The following TRAF3 variants were observed in gnomAD, a reference collection of about 807,000 sequenced individuals.
TRAF3 encodes TNF receptor-associated factor 3.
In TRAF3, 13 loss-of-function variants were observed where a neutral mutation model predicts 62.3. The ratio of observed to expected loss-of-function variants is 0.21; its 90% CI spans 0.14 to 0.33. The LOEUF (loss-of-function observed/expected upper bound fraction) is 0.33, where lower values mean the gene tolerates loss of function less well. Ranked by LOEUF, TRAF3 falls within the 10% of genes least tolerant of loss-of-function variation. The pLI is 1.00. For synonymous variants in TRAF3, 269 were observed against 283.4 expected, an observed-to-expected ratio of 0.95 and a Z score of 0.51; for missense variants, 440 against 741.8, an observed-to-expected ratio of 0.59 and a Z score of 4.73.
At chr14:102,844,972 A>C (rs1886606551) in intron 2 of TRAF3, among the ~76,000 whole-genome samples, 1 of 151,904 alleles carries the variant, frequency 6.6e-6, no homozygotes, top group African/African-American at 2.4e-5. Flanking sequence ...ATTTTGGCTC[A>C]CTGCAAGCCC....
intron 6 of TRAF3, among the ~76,000 whole-genome samples, chr14:102,882,573 T>TG (rs1189300406): frequency 6.9e-6 from 1 of 145,730 alleles, no homozygotes; most frequent in Non-Finnish European, 1.5e-5. Flanking sequence ...TTTTGTTTTT[T>TG]TTTTTTTTCA....
intron 2 of TRAF3, among the ~76,000 whole-genome samples, chr14:102,856,542 T>C (rs117488712): frequency 0.017 from 2,613 of 152,296 alleles, 28 homozygotes; most frequent in Middle Eastern, 0.031. Context: ...TCAGCTTCTT[T>C]ACTGCAGCCT....
At chr14:102,810,091 G>T (rs1285666740) in intron 1 of TRAF3, among the ~76,000 whole-genome samples, 1 of 152,158 alleles carries the variant, frequency 6.6e-6, no homozygotes, top group Non-Finnish European at 1.5e-5. Context: ...ACATAAAATA[G>T]TTACTGTCTG....
At chr14:102,899,316 A>T (rs951620338) in intron 10 of TRAF3, among the ~76,000 whole-genome samples, 12 of 152,090 alleles carry the variant, frequency 7.9e-5, no homozygotes, top group African/African-American at 2.7e-4. Flanking sequence ...TGGGAGCTGC[A>T]CGGGGCCAGG....
At chr14:102,789,591 TATA>T (rs953930216) in intron 1 of TRAF3, among the ~76,000 whole-genome samples, 1 of 110,228 alleles carries the variant, frequency 9.1e-6, no homozygotes, top group African/African-American at 4.0e-5. Context: ...TACAAAAGGA[TATA>T]TGTGTGTGTG....
At chr14:102,836,577 C>T (rs1052642032) in intron 2 of TRAF3, among the ~76,000 whole-genome samples, 1 of 152,200 alleles carries the variant, frequency 6.6e-6, no homozygotes, top group Non-Finnish European at 1.5e-5. Flanking sequence ...AAATGTTTTA[C>T]ACTTTTGTAT....
At chr14:102,786,151 A>G (rs77630549) in intron 1 of TRAF3, among the ~76,000 whole-genome samples, 2,271 of 152,274 alleles carry the variant, frequency 0.015, 23 homozygotes, top group Non-Finnish European at 0.021. Context: ...TCAGCTAACT[A>G]TGCTGTTAAA....
At chr14:102,864,953 A>G (rs1460626897) in intron 2 of TRAF3, among the ~76,000 whole-genome samples, 1 of 152,220 alleles carries the variant, frequency 6.6e-6, no homozygotes, top group Non-Finnish European at 1.5e-5. Context: ...ATGTGTCTCC[A>G]GTGTTGGTTT....
At chr14:102,859,751 A>C (rs1044865251) in intron 2 of TRAF3, among the ~76,000 whole-genome samples, 8 of 152,196 alleles carry the variant, frequency 5.3e-5, no homozygotes, top group Admixed American at 6.5e-5. Context: ...CACACACACA[A>C]CACATATAAA....
rs1043023784 is a variant in TRAF3, at chr14:102,849,133, A to G, written c.-18+18661A>G. ...TTTTTGAAATCTCATGTTTTATTCT[A>G]ACAATTGATCGAAACATTATAATCT... is the stretch of plus-strand genomic sequence containing the variant. On this transcript the variant is annotated intron_variant, in intron 2 of 11. Coordinates refer to ENST00000392745, the MANE Select transcript of TRAF3 (RefSeq NM_145725.3). Among the ~76,000 whole-genome samples the G allele has an allele frequency of 3.9e-5, 6 of 152,308 alleles. No homozygotes were observed. The South Asian group carries it at 8.3e-4, about 21-fold the overall frequency.
chr14:102,805,846 G>A (rs1898740027), intron 1 of TRAF3, among the ~76,000 whole-genome samples: 1 of 152,168 alleles, frequency 6.6e-6, no homozygotes, highest in African/African-American at 2.4e-5. Context: ...GTTTGTGTGA[G>A]TACATACCTG....
At position 102,873,785 on chromosome 14, in the gene TRAF3, G is replaced by A. The variant is rs142049228; in HGVS notation, c.297+1817G>A. 6.9e-3 allele frequency among the ~76,000 whole-genome samples: 1,044 copies of A among 151,798 alleles called. 8 individuals are homozygous for A. The highest frequency in any genetic ancestry group is 0.014 in the African/African-American group (599 of 41,348). Reference sequence around the variant, plus strand: ...TTCTTTTTTTTTTAGTCATGTTTATGAAAGATAAGCTTTGGCTCCAAATTA... The same window carrying A: ...TTCTTTTTTTTTTAGTCATGTTTATAAAAGATAAGCTTTGGCTCCAAATTA... On this transcript the variant is annotated intron_variant, in intron 4 of 11. Transcript: ENST00000392745.
In TRAF3 at chr14:102,870,170, GT is replaced by G; in HGVS notation, c.-17-9del. On this transcript the variant is annotated splice_polypyrimidine_tract_variant and intron_variant, in intron 2 of 11. Coordinates refer to ENST00000392745, the MANE Select transcript of TRAF3 (RefSeq NM_145725.3). ...TGAGAGGATATGATGGCACTCTACTGTTTTTTCCCGACAGAACTCCTCTTTC... is the reference window on the plus strand; with the variant it reads ...TGAGAGGATATGATGGCACTCTACTGTTTTTCCCGACAGAACTCCTCTTTC... The G allele has an allele frequency of 1.2e-6, 2 of 1,614,044 alleles. No homozygotes were observed. Among genetic ancestry groups the G allele is most frequent in the Non-Finnish European group, 1.7e-6 (2 of 1,180,020 alleles).
intron 9 of TRAF3, among the ~76,000 whole-genome samples, chr14:102,896,902 A>G (rs1890034432): frequency 6.6e-6 from 1 of 152,134 alleles, no homozygotes; most frequent in Non-Finnish European, 1.5e-5. Flanking sequence ...TATCTCTAAA[A>G]AAATTATTTT....
chr14:102,901,509 G>GA (rs1890299689), intron 10 of TRAF3, among the ~76,000 whole-genome samples: 4 of 152,184 alleles, frequency 2.6e-5, no homozygotes, highest in African/African-American at 7.2e-5. Flanking sequence ...CGTGTATTTG[G>GA]ATGTTCAGTG....
At chr14:102,794,631 C>T (rs1009800884) in intron 1 of TRAF3, among the ~76,000 whole-genome samples, 1 of 152,182 alleles carries the variant, frequency 6.6e-6, no homozygotes, top group African/African-American at 2.4e-5. Context: ...GAATTTGTGA[C>T]TGTCCTTGAT....
rs147121466 is a variant in TRAF3 at position 102,834,858 on chromosome 14, A to G, written c.-18+4386A>G. ...GAACTGACAAAGGTTTCATGAAGAA[A>G]ACACAAAAAGCAATTGCAACAAAAG... On this transcript the variant is annotated intron_variant, in intron 2 of 11. Coordinates refer to ENST00000392745, the MANE Select transcript of TRAF3 (RefSeq NM_145725.3). Among the ~76,000 whole-genome samples the G allele has an allele frequency of 5.2e-3, 790 of 152,274 alleles. 8 individuals carry two copies. Among genetic ancestry groups the G allele is most frequent in the Middle Eastern group, 0.027 (8 of 294 alleles).
chr14:102,835,194 A>G (rs541230683), intron 2 of TRAF3, among the ~76,000 whole-genome samples: 1 of 152,354 alleles, frequency 6.6e-6, no homozygotes, highest in Non-Finnish European at 1.5e-5. Flanking sequence ...AATCAAAACC[A>G]CAGTGAGATA....
chr14:102,847,228 T>C (rs937931652), intron 2 of TRAF3, among the ~76,000 whole-genome samples: 12 of 152,186 alleles, frequency 7.9e-5, no homozygotes, highest in African/African-American at 2.9e-4. Flanking sequence ...TGGAGTGCAG[T>C]GGTGTGCATG....
Sources: allele counts gnomAD v4.1 joint callset (sites outside exome capture counted in the v4.1 genomes callset), GRCh38; gene constraint gnomAD v4.1.1; transcripts MANE v1.5; gene names NCBI Gene and HGNC (gene_info 2026-07-23, HGNC 2026-07-21).